Variants in BRI3BP observed in about 807,000 individuals in gnomAD.
BRI3BP encodes BRI3-binding protein.
A neutral mutation model predicts 15.8 loss-of-function variants in BRI3BP; 7 were observed. That is an observed-to-expected ratio of 0.44 (90% CI 0.25 to 0.83). BRI3BP has a LOEUF of 0.83. BRI3BP is among the 40% of genes least tolerant of loss of function. BRI3BP has a pLI of 0.20. For synonymous variants in BRI3BP, 192 were observed against 163.5 expected, an observed-to-expected ratio of 1.17 and a Z score of -1.33; for missense variants, 320 against 339.3, an observed-to-expected ratio of 0.94 and a Z score of 0.45.
the BRI3BP span, among the ~76,000 whole-genome samples, chr12:125,037,636 C>A: frequency 2.3e-5 from 3 of 132,098 alleles, no homozygotes; most frequent in East Asian, 7.7e-4. Flanking sequence ...ATGGTGAAAC[C>A]CCGTCTCTAC....
chr12:125,010,577 G>C (rs1002756610), intron 1 of BRI3BP, among the ~76,000 whole-genome samples: 13 of 151,988 alleles, frequency 8.6e-5, no homozygotes, highest in African/African-American at 1.2e-4. Flanking sequence ...AAGAGATCGA[G>C]ACCATCCTGG....
At chr12:125,045,567 C>T in the BRI3BP span, among the ~76,000 whole-genome samples, 143 of 152,212 alleles carry the variant, frequency 9.4e-4, no homozygotes, top group African/African-American at 3.3e-3. Context: ...CTCCTGACCT[C>T]GCGATCTGCC....
chr12:125,031,574 A>ATTTTTTTT (rs367625363), downstream of BRI3BP, among the ~76,000 whole-genome samples: 54 of 84,190 alleles, frequency 6.4e-4, 1 homozygote, highest in African/African-American at 1.6e-3. Context: ...TTTTCTTTCT[A>ATTTTTTTT]TTTTTTTTTT....
At chr12:125,012,367 T>C (rs1594532781) in intron 1 of BRI3BP, among the ~76,000 whole-genome samples, 167 bp from the exon 2 acceptor site, 1 of 152,292 alleles carries the variant, frequency 6.6e-6, no homozygotes, top group Non-Finnish European at 1.5e-5. Context: ...CTGTGATCAG[T>C]ACCCAGTTCA....
intron 1 of BRI3BP, among the ~76,000 whole-genome samples, chr12:125,010,394 T>C (rs11614174): frequency 0.25 from 37,763 of 152,054 alleles, 4,769 homozygotes; most frequent in Non-Finnish European, 0.27. Context: ...TCTGAGGTTA[T>C]TGGCATTTTC....
chr12:125,005,641 T>TA (rs1955135665), intron 1 of BRI3BP, among the ~76,000 whole-genome samples: 1 of 152,006 alleles, frequency 6.6e-6, no homozygotes, highest in Non-Finnish European at 1.5e-5. Flanking sequence ...CATGGTGCCT[T>TA]ACGCCTGTAA....
chr12:125,047,659 A>C, the BRI3BP span, among the ~76,000 whole-genome samples: 2 of 152,006 alleles, frequency 1.3e-5, no homozygotes, highest in Non-Finnish European at 2.9e-5. Context: ...TACAGGCATA[A>C]GCCACCATGC....
chr12:125,047,755 G>T, the BRI3BP span, among the ~76,000 whole-genome samples: 1 of 152,054 alleles, frequency 6.6e-6, no homozygotes, highest in South Asian at 2.1e-4. Flanking sequence ...GCGGTGCAGT[G>T]GCGCAATCTG....
At chr12:125,049,135 G>C in the BRI3BP span, among the ~76,000 whole-genome samples, 1 of 151,978 alleles carries the variant, frequency 6.6e-6, no homozygotes, top group Non-Finnish European at 1.5e-5. Context: ...CTAATTTTTT[G>C]TATTTTCAGT....
At chr12:125,035,879 A>T (rs1213578169), downstream of BRI3BP, among the ~76,000 whole-genome samples, 1 of 152,130 alleles carries the variant, frequency 6.6e-6, no homozygotes. Context: ...TACATACATT[A>T]GCCAACACTT....
At chr12:125,019,763 TCTC>T (rs1166853261) in intron 2 of BRI3BP, among the ~76,000 whole-genome samples, 9 of 151,106 alleles carry the variant, frequency 6.0e-5, no homozygotes, top group Non-Finnish European at 1.2e-4. Flanking sequence ...GGGGGCCAGG[TCTC>T]CTCTAAATAG....
At chr12:125,048,700 T>C in the BRI3BP span, among the ~76,000 whole-genome samples, 1 of 151,396 alleles carries the variant, frequency 6.6e-6, no homozygotes, top group Non-Finnish European at 1.5e-5. Flanking sequence ...TAAAGTATAA[T>C]AATAATAATA....
Position 125,025,436 on chromosome 12 carries a change from A to G in BRI3BP, c.*6A>G. On this transcript the variant is annotated 3_prime_UTR_variant, in exon 3 of 3. Coordinates refer to ENST00000341446, the MANE Select transcript of BRI3BP (RefSeq NM_080626.6). Reference sequence around the variant, plus strand: ...ACCGCTCCAAGGACAAGTGAAGGTCAGCCGGCCGGGCGGGTCCACAGTTAC... The same window carrying G: ...ACCGCTCCAAGGACAAGTGAAGGTCGGCCGGCCGGGCGGGTCCACAGTTAC... 3 of 1,578,964 alleles carry G rather than the reference A, an allele frequency of 1.9e-6. No homozygotes were observed. The highest frequency in any genetic ancestry group is 1.1e-5 in the South Asian group (1 of 88,120).
the BRI3BP span, among the ~76,000 whole-genome samples, chr12:125,049,615 A>G: frequency 6.6e-6 from 1 of 152,026 alleles, no homozygotes; most frequent in African/African-American, 2.4e-5. Flanking sequence ...GCCTTGGTCG[A>G]AGGGTGACTC....
At chr12:125,033,653 A>C (rs1256806079), downstream of BRI3BP, among the ~76,000 whole-genome samples, 1 of 151,912 alleles carries the variant, frequency 6.6e-6, no homozygotes, top group Non-Finnish European at 1.5e-5. Context: ...AAAATAAGCC[A>C]CTAATCCATT....
At chr12:124,999,426 T>C (rs942388279) in intron 1 of BRI3BP, among the ~76,000 whole-genome samples, 1 of 152,050 alleles carries the variant, frequency 6.6e-6, no homozygotes, top group Non-Finnish European at 1.5e-5. Context: ...TTTGTATTTT[T>C]ATTTTATTTT....
chr12:124,993,695 C>G lies in BRI3BP; in HGVS notation c.-96C>G, dbSNP rs1024531814. 45 of 658,448 alleles carry G rather than the reference C, an allele frequency of 6.8e-5. No individual in the cohort carries two copies. In the East Asian group the frequency reaches 4.8e-3, roughly 70 times the overall value. 40.8% of individuals were successfully genotyped at this position (658,448 alleles called of 1,614,324 possible). A position where few individuals can be genotyped will look rare whatever the true frequency, so the allele number is the denominator to read the frequency against. On this transcript the variant is annotated 5_prime_UTR_variant, in exon 1 of 3. Transcript: ENST00000341446. ...CTGTGGGTAAAGGCGCGGCGCGCGGCCCCCGAGCGCGCCAACCTTGCCCTA... is the reference window on the plus strand; with the variant it reads ...CTGTGGGTAAAGGCGCGGCGCGCGGGCCCCGAGCGCGCCAACCTTGCCCTA...
downstream of BRI3BP, among the ~76,000 whole-genome samples, chr12:125,034,778 C>T (rs746143854): frequency 9.9e-5 from 15 of 152,046 alleles, no homozygotes; most frequent in Middle Eastern, 3.2e-3. Flanking sequence ...TTAGTAGAGA[C>T]GGGGTTTCAC....
At chr12:125,000,318 T>TTG (rs199621731) in intron 1 of BRI3BP, among the ~76,000 whole-genome samples, 8,077 of 143,354 alleles carry the variant, frequency 0.056, 357 homozygotes, top group Admixed American at 0.13. Flanking sequence ...ATTTTTTTTT[T>TTG]TTTTTTTTTT....
Sources: allele counts gnomAD v4.1 joint callset (sites outside exome capture counted in the v4.1 genomes callset), GRCh38; gene constraint gnomAD v4.1.1; transcripts MANE v1.5; gene names NCBI Gene and HGNC (gene_info 2026-07-23, HGNC 2026-07-21).